PLB1: variants seen among roughly 807,000 people sequenced by gnomAD.
PLB1 encodes phospholipase B1.
A neutral mutation model predicts 227.4 loss-of-function variants in PLB1; 242 were observed. The ratio of observed to expected loss-of-function variants is 1.06; its 90% CI spans 0.96 to 1.18. The LOEUF is 1.18. PLB1 is among the 50% of genes most tolerant of loss of function. The probability of loss-of-function intolerance (pLI) is 0.00; values close to 1 mark genes in which losing one functional copy is unlikely to be tolerated. For missense variants in PLB1, 1,858 were observed against 1,816.3 expected (o/e 1.02, Z -0.42); for synonymous variants, 757 against 682.2 (o/e 1.11, Z -1.71).
intron 44 of PLB1, among the ~76,000 whole-genome samples, chr2:28,616,578 C>T (rs534853622): frequency 5.3e-5 from 8 of 152,328 alleles, no homozygotes; most frequent in African/African-American, 1.9e-4. Flanking sequence ...CAACCAGGAT[C>T]TGTTAATCTA....
intron 33 of PLB1, among the ~76,000 whole-genome samples, chr2:28,597,059 C>T (rs1258835223): frequency 1.3e-5 from 2 of 151,992 alleles, no homozygotes; most frequent in Non-Finnish European, 2.9e-5. Context: ...GTCAGGAGAT[C>T]GAGACCATCC....
In PLB1 at chr2:28,529,770, A is replaced by G. The variant is rs144496915; in HGVS notation, c.459A>G (p.Lys153=). Residue 153 remains lysine, a synonymous_variant, in exon 8 of 58, where the codon AAA becomes AAG. Coordinates refer to ENST00000327757, the MANE Select transcript of PLB1 (RefSeq NM_153021.5). ...IQAQELVRNM[K]ENLQLDFQFD... ...CTCAAGAACTGGTGAGAAACATGAA[A>G]GAGAACCTGGTAAGCATCCGTCCAA... 1 of 1,614,148 alleles carries G rather than the reference A, an allele frequency of 6.2e-7. No individual in the cohort carries two copies. Among genetic ancestry groups the G allele is most frequent in the Non-Finnish European group, 8.5e-7 (1 of 1,180,004 alleles).
intron 4 of PLB1, among the ~76,000 whole-genome samples, chr2:28,523,357 T>C (rs1316825923): frequency 6.0e-5 from 9 of 149,364 alleles, no homozygotes; most frequent in Admixed American, 5.4e-4. Flanking sequence ...TTTTTTTTTT[T>C]TCTAACTCAG....
Position 28,630,577 on chromosome 2 carries a change from G to A in PLB1, c.3819-9G>A, listed in dbSNP as rs1481144417. The A allele has an allele frequency of 1.2e-6, 2 of 1,611,828 alleles. No homozygotes were observed. The highest frequency in any genetic ancestry group is 1.7e-6 in the Non-Finnish European group (2 of 1,179,270). On this transcript the variant is annotated splice_polypyrimidine_tract_variant and intron_variant, in intron 53 of 57. Transcript: ENST00000327757. The stretch of plus-strand genomic sequence containing the variant: ...AGGCAGCCTCAATACAACACTCCCT[G>A]TCTCACAGGAACAACTGCACTTGCC...
intron 17 of PLB1, among the ~76,000 whole-genome samples, chr2:28,562,675 C>T (rs1324764557): frequency 6.6e-6 from 1 of 151,520 alleles, no homozygotes. Context: ...GTATTGGTTG[C>T]ATTTCCATGG....
chr2:28,525,885 A>C lies in PLB1; in HGVS notation c.285-20A>C. The C allele has an allele frequency of 2.5e-6, 4 of 1,613,862 alleles. No homozygotes were observed. Among genetic ancestry groups the C allele is most frequent in the Non-Finnish European group, 3.4e-6 (4 of 1,179,884 alleles). On this transcript the variant is annotated intron_variant, in intron 5 of 57. Coordinates refer to ENST00000327757, the MANE Select transcript of PLB1 (RefSeq NM_153021.5). ...GACACAAATGCAGCCTGACACTCAC[A>C]TGCCTGCTTCTACCTGCAGGACTGA...
intron 14 of PLB1, among the ~76,000 whole-genome samples, chr2:28,544,212 A>G (rs897795005): frequency 5.9e-5 from 9 of 152,238 alleles, no homozygotes; most frequent in African/African-American, 2.2e-4. Flanking sequence ...TGTCCTTTGA[A>G]GAAGGCATTT....
At chr2:28,601,202 T>G in intron 36 of PLB1, 50 bp from the exon 37 acceptor site, 2 of 1,488,770 alleles carry the variant, frequency 1.3e-6, no homozygotes, top group South Asian at 2.3e-5. Context: ...GGCAGGGATA[T>G]TTTCATTTCC....
intron 20 of PLB1, 110 bp downstream of exon 20, chr2:28,566,949 C>T (rs1677043529): frequency 7.8e-7 from 1 of 1,285,042 alleles, no homozygotes; most frequent in Non-Finnish European, 1.1e-6. Context: ...TGCAGGAGCC[C>T]GCTAAATTCA....
At chr2:28,639,814 TCA>T (rs1295223506) in intron 56 of PLB1, among the ~76,000 whole-genome samples, 1 of 152,190 alleles carries the variant, frequency 6.6e-6, no homozygotes, top group Non-Finnish European at 1.5e-5. Flanking sequence ...GCCACCCCAA[TCA>T]CACGTGCTTT....
intron 35 of PLB1, 101 bp from the exon 36 acceptor site, chr2:28,600,708 C>T: frequency 2.8e-6 from 3 of 1,061,352 alleles, no homozygotes; most frequent in Non-Finnish European, 4.3e-6. Flanking sequence ...CCAGCTCATG[C>T]AGTGGGGATG....
At chr2:28,552,857 G>C in intron 16 of PLB1, 71 bp from the exon 17 acceptor site, 1 of 1,249,486 alleles carries the variant, frequency 8.0e-7, no homozygotes, top group Non-Finnish European at 1.2e-6. Context: ...CCAAAATAGA[G>C]GCCCCACTTC....
At chr2:28,561,651 G>A (rs1405928848) in intron 17 of PLB1, among the ~76,000 whole-genome samples, 1 of 152,218 alleles carries the variant, frequency 6.6e-6, no homozygotes, top group East Asian at 1.9e-4. Context: ...AGCATTTTGG[G>A]AGGCTGAGGT....
intron 33 of PLB1, 28 bp downstream of exon 33, chr2:28,593,782 C>T (rs757761044): frequency 7.6e-6 from 12 of 1,587,060 alleles, no homozygotes; most frequent in East Asian, 2.2e-5. Flanking sequence ...CCTCTCCCAG[C>T]GTTCCCCCCA....
chr2:28,628,663 A>G (rs1357781542), intron 52 of PLB1, 35 bp downstream of exon 52: 2 of 1,602,026 alleles, frequency 1.2e-6, no homozygotes, highest in African/African-American at 2.7e-5. Flanking sequence ...GGGTCCCGCC[A>G]GCCACCTCCC....
At chr2:28,627,215 T>A (rs1687918360) in intron 51 of PLB1, among the ~76,000 whole-genome samples, 2 of 152,226 alleles carry the variant, frequency 1.3e-5, no homozygotes, top group Admixed American at 6.5e-5. Context: ...AGAAGTATCC[T>A]CCCACACACA....
intron 33 of PLB1, among the ~76,000 whole-genome samples, chr2:28,596,430 A>G (rs1479428758): frequency 6.6e-6 from 1 of 152,262 alleles, no homozygotes; most frequent in Non-Finnish European, 1.5e-5. Flanking sequence ...TTGATTAGCC[A>G]CCATACTTGT....
At chr2:28,618,542 C>A in intron 46 of PLB1, 143 bp downstream of exon 46, 2 of 810,070 alleles carry the variant, frequency 2.5e-6, no homozygotes, top group Non-Finnish European at 4.0e-6. Context: ...CACTGAAACA[C>A]AGCCAGGAGA....
At chr2:28,613,913 A>G in intron 43 of PLB1, 118 bp from the exon 44 acceptor site, 2 of 843,698 alleles carry the variant, frequency 2.4e-6, no homozygotes, top group Non-Finnish European at 3.9e-6. Context: ...TTCTTTCTAT[A>G]TAAGTGCAGA....
Sources: gnomAD v4.1 joint callset for allele counts (sites outside exome capture counted in the v4.1 genomes callset) on GRCh38, gnomAD v4.1.1 for gene constraint, MANE v1.5 for transcripts, NCBI Gene and HGNC (gene_info 2026-07-23, HGNC 2026-07-21) for gene names.